Variants in ATR observed in about 807,000 individuals in gnomAD.
The protein encoded by ATR is serine/threonine-protein kinase ATR.
In ATR, 142 loss-of-function variants were observed where a neutral mutation model predicts 305.3. That is an observed-to-expected ratio of 0.47 (90% CI 0.41 to 0.53). The LOEUF (loss-of-function observed/expected upper bound fraction) is 0.53, where lower values mean the gene tolerates loss of function less well. Ranked by LOEUF, ATR falls within the 20% of genes least tolerant of loss-of-function variation. The probability of loss-of-function intolerance (pLI) is 0.00; values close to 1 mark genes in which losing one functional copy is unlikely to be tolerated. For missense variants in ATR, 2,135 were observed against 3,133.1 expected, an observed-to-expected ratio of 0.68 and a Z score of 7.60; for synonymous variants, 1,050 against 1,068.1, an observed-to-expected ratio of 0.98 and a Z score of 0.33.
chr3:142,542,553 G>T, intron 17 of ATR, 112 bp downstream of exon 17: 1 of 1,001,004 alleles, frequency 1.0e-6, no homozygotes, highest in Non-Finnish European at 1.5e-6. Flanking sequence ...TTCAGCAATA[G>T]AGAATGTCAT....
intron 38 of ATR, 140 bp downstream of exon 38, chr3:142,469,197 T>C: frequency 1.6e-6 from 1 of 630,714 alleles, no homozygotes; most frequent in East Asian, 2.9e-5. Context: ...AATTTCTCTC[T>C]TTAAAAAAAT....
chr3:142,553,511 T>C (rs2034554814), intron 12 of ATR, 113 bp from the exon 13 acceptor site: 2 of 1,450,856 alleles, frequency 1.4e-6, no homozygotes, highest in South Asian at 1.2e-5. Flanking sequence ...AATCTACAAA[T>C]AAATTCATGT....
intron 30 of ATR, 149 bp downstream of exon 30, chr3:142,503,212 AG>A (rs2032069410): frequency 1.7e-6 from 1 of 587,984 alleles, no homozygotes; most frequent in Non-Finnish European, 3.0e-6. Context: ...GAAAAACTTG[AG>A]GAAAAAAAAA....
rs1020606694 is a variant in ATR, at chr3:142,465,320, G to GT, written c.6898-81dup. The stretch of plus-strand genomic sequence containing the variant: ...CTATATATTATAAACCTTGAGTTAT[G>GT]TAAAAAAAAAAAAAGAATATTACCA... On this transcript the variant is annotated intron_variant, in intron 40 of 46. Coordinates refer to ENST00000350721, the MANE Select transcript of ATR (RefSeq NM_001184.4). The GT allele has an allele frequency of 5.9e-5, 57 of 964,260 alleles. No individual in the cohort carries two copies. In the African/African-American group the frequency reaches 8.4e-4, roughly 14 times the overall value. 59.7% of individuals were successfully genotyped at this position (964,260 alleles called of 1,614,324 possible).
At chr3:142,472,283 C>G (rs2071303463) in intron 36 of ATR, 1 of 151,986 alleles carries the variant, frequency 6.6e-6, no homozygotes, top group South Asian at 2.1e-4. Flanking sequence ...AGATATATAC[C>G]CCATAATGGG....
chr3:142,471,879 C>G (rs899684080), intron 36 of ATR, among the ~76,000 whole-genome samples: 3 of 152,042 alleles, frequency 2.0e-5, no homozygotes, highest in African/African-American at 7.2e-5. Flanking sequence ...AACATCTCCC[C>G]AACTCCTCAC....
chr3:142,571,769 T>C (rs1177000908), intron 1 of ATR, among the ~76,000 whole-genome samples: 4 of 152,212 alleles, frequency 2.6e-5, no homozygotes, highest in Non-Finnish European at 5.9e-5. Context: ...GAGTGAATTT[T>C]TTTCTTTTTC....
intron 30 of ATR, among the ~76,000 whole-genome samples, chr3:142,500,344 C>T (rs1229750071): frequency 1.3e-5 from 2 of 152,064 alleles, no homozygotes; most frequent in African/African-American, 4.8e-5. Context: ...ATGATATAGG[C>T]TAATTATTTT....
chr3:142,506,845 G>A (rs910567495), intron 28 of ATR, among the ~76,000 whole-genome samples: 71 of 152,200 alleles, frequency 4.7e-4, no homozygotes, highest in Non-Finnish European at 1.3e-4. Context: ...TGACAAAGGG[G>A]AAAGTAGCCT....
At chr3:142,536,965 T>A (rs868261594) in intron 19 of ATR, among the ~76,000 whole-genome samples, 1 of 152,194 alleles carries the variant, frequency 6.6e-6, no homozygotes, top group Non-Finnish European at 1.5e-5. Context: ...AATGCTCTAA[T>A]CTTTCTGGGT....
chr3:142,503,689 T>C (rs1275960094), intron 29 of ATR, among the ~76,000 whole-genome samples: 2 of 152,118 alleles, frequency 1.3e-5, no homozygotes, highest in East Asian at 3.8e-4. Context: ...AGTGCTGGGA[T>C]TACAGGCATG....
chr3:142,455,796 ATAGGT>A (rs1366919179), intron 45 of ATR, among the ~76,000 whole-genome samples: 6 of 152,382 alleles, frequency 3.9e-5, no homozygotes, highest in African/African-American at 1.4e-4. Context: ...AGAAGAACAC[ATAGGT>A]GTAAATCTTC....
Position 142,568,126 on chromosome 3 carries a change from C to A in ATR, c.88G>T (p.Val30Leu), listed in dbSNP as rs774945789. The A allele has an allele frequency of 6.2e-7, 1 of 1,612,496 alleles. No homozygotes were observed. Among genetic ancestry groups the A allele is most frequent in the Non-Finnish European group, 8.5e-7 (1 of 1,178,796 alleles). Residue 30 changes from valine to leucine, a missense_variant, in exon 2 of 47, where the codon GTA (valine) becomes TTA (leucine). By Grantham distance (32) the Val-to-Leu change is conservative. This residue lies in a region of ATR where 744 missense variants were observed against 873.2 expected (regional missense o/e 0.85). Coordinates refer to ENST00000350721, the MANE Select transcript of ATR (RefSeq NM_001184.4). ...CACAGAATTTGTCTTGGCTTCTGTA[C>A]AACTGTATTATATTCCTCTGGTGTG... is the stretch of plus-strand genomic sequence containing the variant. ...SATPEEYNTV[V>L]QKPRQILCQF...
At chr3:142,554,650 G>A (rs1020896505) in intron 10 of ATR, among the ~76,000 whole-genome samples, 2 of 152,176 alleles carry the variant, frequency 1.3e-5, no homozygotes, top group African/African-American at 4.8e-5. Context: ...GGCCAGGAGT[G>A]GTGACTCATA....
At position 142,553,849 on chromosome 3, in the gene ATR, G is replaced by C. The variant is rs749007368; in HGVS notation, c.2508C>G (p.Asp836Glu). The change falls in exon 11 of 47, where the codon GAC becomes GAG. Residue 836 changes from aspartate to glutamate, a missense_variant. Physicochemically the swap from Asp to Glu is conservative, Grantham distance 45 (BLOSUM62 2). Around this residue, in one of 9 missense-constraint regions of ATR, gnomAD observed 530 missense variants for 766.8 expected, o/e 0.69. Transcript: ENST00000350721. ...CCTCCTTTATAAATCCATCTTCAGA[G>C]TCCAAGGATTCCAATATGTGCTTGA... Reference protein sequence around the residue: ...GNIKHILESLDSEDGFIKELF... With the variant: ...GNIKHILESLESEDGFIKELF... 6.2e-7 allele frequency: 1 copy of C among 1,613,554 alleles called. No homozygotes were observed. Among genetic ancestry groups the C allele is most frequent in the Non-Finnish European group, 8.5e-7 (1 of 1,179,712 alleles).
At chr3:142,506,598 G>A (rs971083739) in intron 28 of ATR, among the ~76,000 whole-genome samples, 1 of 152,020 alleles carries the variant, frequency 6.6e-6, no homozygotes, top group Non-Finnish European at 1.5e-5. Flanking sequence ...GAGGTGTGAG[G>A]ATCCCTTGAG....
At chr3:142,544,503 G>GTA (rs1388837058) in intron 16 of ATR, among the ~76,000 whole-genome samples, 1 of 122,104 alleles carries the variant, frequency 8.2e-6, no homozygotes, top group East Asian at 2.6e-4. Flanking sequence ...TAAGAACTTA[G>GTA]TATATAGCTA....
intron 13 of ATR, 110 bp downstream of exon 13, chr3:142,553,117 G>T: frequency 1.5e-6 from 2 of 1,354,634 alleles, no homozygotes; most frequent in Non-Finnish European, 1.0e-6. Flanking sequence ...AATATAAATT[G>T]AAGAAAAAAG....
In ATR at chr3:142,469,571, T is replaced by G. The variant is rs201786773; in HGVS notation, c.6320-2A>C. ...TTTGTACACGATCGGAGCGGCCAGC[T>G]GGGGGAAGAAATAAGTTTAAAAAAC... On this transcript the variant is annotated splice_acceptor_variant, in intron 37 of 46. Coordinates refer to ENST00000350721, the MANE Select transcript of ATR (RefSeq NM_001184.4). LOFTEE classifies it high-confidence loss of function. 2 of 1,605,942 alleles carry G rather than the reference T, an allele frequency of 1.2e-6. No individual in the cohort carries two copies. The highest frequency in any genetic ancestry group is 2.7e-5 in the African/African-American group (2 of 74,826).
Sources: gnomAD v4.1 joint callset for allele counts (sites outside exome capture counted in the v4.1 genomes callset) on GRCh38, gnomAD v4.1.1 for gene constraint, gnomAD v4.1.1 regional missense constraint, MANE v1.5 for transcripts, NCBI Gene and HGNC (gene_info 2026-07-23, HGNC 2026-07-21) for gene names.